Variants in FHIT observed in about 807,000 individuals in gnomAD.
FHIT encodes the protein fragile histidine triad diadenosine triphosphatase, also known as bis(5'-adenosyl)-triphosphatase.
In FHIT, 19 loss-of-function variants were observed where a neutral mutation model predicts 17.9. The observed-to-expected ratio is 1.06, with a 90% CI of 0.74 to 1.56. FHIT has a LOEUF of 1.56. Ranked by LOEUF, FHIT falls within the 40% of genes most tolerant of loss-of-function variation. The probability of loss-of-function intolerance (pLI) is 0.00; values close to 1 mark genes in which losing one functional copy is unlikely to be tolerated. For missense variants in FHIT, 248 were observed against 189.2 expected (o/e 1.31, Z -1.82); for synonymous variants, 81 against 69.7 (o/e 1.16, Z -0.81).
rs573953899 is a variant in FHIT at position 60,850,578 on chromosome 3, C to T, written c.-110-28567G>A. Among the ~76,000 whole-genome samples, 13 of 152,192 alleles carry T rather than the reference C, an allele frequency of 8.5e-5. No individual in the cohort carries two copies. In the South Asian group the frequency reaches 2.5e-3, roughly 29 times the overall value. ...CATCCCTACCTCCTTCCCAAACACA[C>T]TTATTAAAACACCATGAAGACAAAA... On this transcript the variant is annotated intron_variant, in intron 3 of 9. Transcript: ENST00000492590.
intron 5 of FHIT, among the ~76,000 whole-genome samples, chr3:60,130,090 C>G (rs1699472217): frequency 6.6e-6 from 1 of 152,154 alleles, no homozygotes; most frequent in South Asian, 2.1e-4. Context: ...AGAAGTTCCT[C>G]TTTCCCATGG....
At chr3:61,021,598 C>CAAA (rs34870709) in intron 3 of FHIT, among the ~76,000 whole-genome samples, 81 of 63,778 alleles carry the variant, frequency 1.3e-3, no homozygotes, top group African/African-American at 1.4e-3. Flanking sequence ...GACTCCGTCT[C>CAAA]AAAAAAAAAA....
chr3:60,611,802 T>A (rs782236669), intron 4 of FHIT, among the ~76,000 whole-genome samples: 2 of 152,198 alleles, frequency 1.3e-5, no homozygotes, highest in African/African-American at 4.8e-5. Context: ...TTTGATTTCA[T>A]ACTTGTCCTA....
At chr3:59,846,729 G>T (rs1701734276) in intron 8 of FHIT, among the ~76,000 whole-genome samples, 1 of 151,946 alleles carries the variant, frequency 6.6e-6, no homozygotes, top group Non-Finnish European at 1.5e-5. Context: ...TAACCTTCTG[G>T]ACTCCCTTTA....
At chr3:59,971,894 C>A (rs993993331) in intron 7 of FHIT, among the ~76,000 whole-genome samples, 4 of 152,142 alleles carry the variant, frequency 2.6e-5, no homozygotes, top group Non-Finnish European at 5.9e-5. Flanking sequence ...AAAATATAAT[C>A]AGAAATTGCA....
chr3:59,813,865 G>C (rs988289552), intron 8 of FHIT, among the ~76,000 whole-genome samples: 1 of 152,118 alleles, frequency 6.6e-6, no homozygotes, highest in Non-Finnish European at 1.5e-5. Flanking sequence ...TATGAAGGGG[G>C]TAACTGAGGT....
chr3:60,858,869 T>C (rs1216923049), intron 3 of FHIT, among the ~76,000 whole-genome samples: 3 of 152,160 alleles, frequency 2.0e-5, no homozygotes, highest in African/African-American at 4.8e-5. Context: ...ATCTGAAATA[T>C]ATATAATCAC....
chr3:60,339,536 AG>A (rs967630709), intron 5 of FHIT, among the ~76,000 whole-genome samples: 92 of 152,272 alleles, frequency 6.0e-4, no homozygotes, highest in African/African-American at 2.2e-3. Context: ...TACGTGTCAG[AG>A]GGACGCGAGC....
chr3:60,747,395 C>A (rs1011093424), intron 4 of FHIT, among the ~76,000 whole-genome samples: 12 of 152,136 alleles, frequency 7.9e-5, no homozygotes, highest in African/African-American at 2.9e-4. Context: ...AGTGTGCAAG[C>A]TTTCTGATGG....
chr3:60,180,734 C>G (rs530655444), intron 5 of FHIT, among the ~76,000 whole-genome samples: 1 of 152,140 alleles, frequency 6.6e-6, no homozygotes, highest in Admixed American at 6.5e-5. Flanking sequence ...AAGCATTTAT[C>G]TTTCAGAATC....
chr3:60,326,148 G>A (rs72875033), intron 5 of FHIT, among the ~76,000 whole-genome samples: 10,843 of 152,094 alleles, frequency 0.071, 913 homozygotes, highest in East Asian at 0.48. Flanking sequence ...GGGGTGGAGT[G>A]GGGCTGGCAG....
intron 4 of FHIT, among the ~76,000 whole-genome samples, chr3:60,745,198 G>A (rs2108018547): frequency 6.6e-6 from 1 of 152,302 alleles, no homozygotes; most frequent in Middle Eastern, 3.4e-3. Flanking sequence ...GTACTAGGAG[G>A]CTCTATTACA....
chr3:59,943,154 A>G (rs1212153646), intron 7 of FHIT, among the ~76,000 whole-genome samples: 2 of 152,158 alleles, frequency 1.3e-5, no homozygotes, highest in Non-Finnish European at 2.9e-5. Context: ...ACACCTGACA[A>G]TGGAAGTGCT....
rs149183854 is a variant in FHIT, at chr3:60,924,378, G to A, written c.-110-102367C>T. 4.5e-3 allele frequency among the ~76,000 whole-genome samples: 690 copies of A among 152,260 alleles called. 3 individuals carry two copies. The highest frequency in any genetic ancestry group is 0.016 in the African/African-American group (656 of 41,560). ...GACAAAACTTCCAGAGGAACAATCAGTCAGGAACATTTGCTGTTCACCAAT... is the reference window on the plus strand; with the variant it reads ...GACAAAACTTCCAGAGGAACAATCAATCAGGAACATTTGCTGTTCACCAAT... On this transcript the variant is annotated intron_variant, in intron 3 of 9. Coordinates refer to ENST00000492590, the MANE Select transcript of FHIT (RefSeq NM_002012.4).
chr3:60,139,123 G>A (rs745505061), intron 5 of FHIT, among the ~76,000 whole-genome samples: 2 of 152,086 alleles, frequency 1.3e-5, no homozygotes, highest in Non-Finnish European at 2.9e-5. Context: ...CATCTAACTG[G>A]CAAACAAGGA....
At chr3:60,662,976 T>G (rs1348307423) in intron 4 of FHIT, among the ~76,000 whole-genome samples, 6 of 151,528 alleles carry the variant, frequency 4.0e-5, no homozygotes, top group Non-Finnish European at 8.8e-5. Context: ...CTAGCATCAT[T>G]TGTTGAAAGG....
chr3:60,605,771 T>A (rs1403051489), intron 4 of FHIT, among the ~76,000 whole-genome samples: 4 of 152,188 alleles, frequency 2.6e-5, no homozygotes, highest in Non-Finnish European at 4.4e-5. Flanking sequence ...GGCACCTGGT[T>A]CTTGCCTATG....
intron 7 of FHIT, among the ~76,000 whole-genome samples, chr3:59,996,382 T>C (rs1486800142): frequency 1.3e-5 from 2 of 152,110 alleles, no homozygotes; most frequent in Non-Finnish European, 2.9e-5. Context: ...CAATCTTCCC[T>C]GACTATTTAG....
intron 5 of FHIT, among the ~76,000 whole-genome samples, chr3:60,455,840 G>C (rs1266955736): frequency 6.6e-6 from 1 of 152,052 alleles, no homozygotes; most frequent in Admixed American, 6.6e-5. Context: ...TTAGGACTAG[G>C]CTGCTTTCAG....
Sources: allele counts gnomAD v4.1 joint callset (sites outside exome capture counted in the v4.1 genomes callset), GRCh38; gene constraint gnomAD v4.1.1; transcripts MANE v1.5; gene names NCBI Gene and HGNC (gene_info 2026-07-23, HGNC 2026-07-21).